The following MBD5 variants were observed in gnomAD, a reference collection of about 807,000 sequenced individuals.
The protein encoded by MBD5 is methyl-CpG-binding domain protein 5.
Under a neutral mutation model 117.3 loss-of-function variants are expected in MBD5, and 13 were observed. That is an observed-to-expected ratio of 0.11 (90% confidence interval 0.07 to 0.18). MBD5 has a LOEUF of 0.18. MBD5 is among the 10% of genes least tolerant of loss of function. The pLI, the probability that MBD5 is intolerant of heterozygous loss-of-function variation, is 1.00. For synonymous variants in MBD5, 727 were observed against 766.4 expected (o/e 0.95, Z 0.85); for missense variants, 1,879 against 2,093.8 (o/e 0.90, Z 2.00).
At chr2:148,438,512 A>G (rs1049132215) in intron 4 of MBD5, among the ~76,000 whole-genome samples, 8 of 152,188 alleles carry the variant, frequency 5.3e-5, no homozygotes, top group Non-Finnish European at 7.3e-5. Context: ...TCTCTTCCAC[A>G]GTGTTGTGAG....
intron 3 of MBD5, among the ~76,000 whole-genome samples, chr2:148,300,459 C>G (rs183079116): frequency 6.6e-6 from 1 of 151,994 alleles, no homozygotes; most frequent in East Asian, 1.9e-4. Flanking sequence ...ATCACTTGTT[C>G]CCTTTGCTTG....
chr2:148,122,415 AGT>A (rs372180189), intron 1 of MBD5, among the ~76,000 whole-genome samples: 209 of 152,312 alleles, frequency 1.4e-3, no homozygotes, highest in Middle Eastern at 3.4e-3. Context: ...GACATATGAG[AGT>A]GTATCTTAAT....
At chr2:148,381,059 G>A (rs1704127452) in intron 4 of MBD5, among the ~76,000 whole-genome samples, 1 of 152,184 alleles carries the variant, frequency 6.6e-6, no homozygotes, top group Non-Finnish European at 1.5e-5. Context: ...AAATCAGAGT[G>A]CCTCTCCTCC....
intron 1 of MBD5, among the ~76,000 whole-genome samples, chr2:148,159,936 T>C (rs1322496603): frequency 1.3e-5 from 2 of 152,138 alleles, no homozygotes; most frequent in Non-Finnish European, 2.9e-5. Flanking sequence ...CTTAACATGG[T>C]GTTTCAGGCA....
rs1702295720 is a variant in MBD5 at position 148,322,047 on chromosome 2, A to G, written c.-679-20167A>G. ...TTATTGATCCACACAATTGTTGTGCATGTACTCTACGCTAGACTCCATAAT... is the reference window on the plus strand; with the variant it reads ...TTATTGATCCACACAATTGTTGTGCGTGTACTCTACGCTAGACTCCATAAT... On this transcript the variant is annotated intron_variant, in intron 3 of 13. Transcript: ENST00000642680. Among the ~76,000 whole-genome samples, 5 of 152,210 alleles carry G rather than the reference A, an allele frequency of 3.3e-5. 1 individual carries two copies. In the South Asian group the frequency reaches 8.3e-4, roughly 25 times the overall value.
chr2:148,469,992 T>C lies in MBD5; in HGVS notation c.2049T>C (p.Pro683=). 1.2e-6 allele frequency: 2 copies of C among 1,613,868 alleles called. No homozygotes were observed. Among genetic ancestry groups the C allele is most frequent in the South Asian group, 2.2e-5 (2 of 91,078 alleles). The change falls in exon 8 of 14, where the codon CCT becomes CCC. Residue 683 remains proline, a synonymous_variant. Transcript: ENST00000642680. ...SQMDSSAVPK[P]GPDLLRKQGQ... ...TGGATAGTTCTGCAGTTCCTAAACC[T>C]GGACCTGACTTGCTAAGGAAGCAGG... is the stretch of plus-strand genomic sequence containing the variant.
At chr2:148,028,007 A>C (rs1247658325) in intron 1 of MBD5, 1 of 152,108 alleles carries the variant, frequency 6.6e-6, no homozygotes, top group Non-Finnish European at 1.5e-5. Flanking sequence ...GTCATGTAAG[A>C]TGTCAGAAGC....
intron 1 of MBD5, among the ~76,000 whole-genome samples, chr2:148,115,348 C>T (rs1393288906): frequency 6.6e-6 from 1 of 152,152 alleles, no homozygotes; most frequent in Non-Finnish European, 1.5e-5. Context: ...GCTTGCATCC[C>T]AGCCTTCGCC....
intron 6 of MBD5, among the ~76,000 whole-genome samples, chr2:148,463,252 T>A (rs1366470645): frequency 7.2e-5 from 11 of 152,178 alleles, no homozygotes; most frequent in Admixed American, 7.2e-4. Context: ...TTCATTTGTG[T>A]GTCACCGCAT....
At chr2:148,462,011 C>T (rs750011490) in intron 5 of MBD5, among the ~76,000 whole-genome samples, 3 of 152,142 alleles carry the variant, frequency 2.0e-5, no homozygotes, top group Non-Finnish European at 4.4e-5. Flanking sequence ...TCGGATATAA[C>T]TGATCTATTA....
chr2:148,319,752 T>A (rs1242791574), intron 3 of MBD5, among the ~76,000 whole-genome samples: 1 of 152,208 alleles, frequency 6.6e-6, no homozygotes. Flanking sequence ...TATTTTTCTA[T>A]GTTTCCTGAT....
In MBD5 at chr2:148,221,395, T is replaced by TC. The variant is rs1159391681; in HGVS notation, c.-830-11848dup. The stretch of plus-strand genomic sequence containing the variant: ...TTTACATTCCTACCAAGACTGGGGT[T>TC]CCGTTTTTTCCACATCCTTGCCAGC... On this transcript the variant is annotated intron_variant, in intron 2 of 13. Coordinates refer to ENST00000642680, the MANE Select transcript of MBD5 (RefSeq NM_001378120.1). 3.3e-5 allele frequency among the ~76,000 whole-genome samples: 5 copies of TC among 152,104 alleles called. No individual in the cohort carries two copies. The East Asian group carries it at 9.6e-4, about 29-fold the overall frequency.
intron 3 of MBD5, among the ~76,000 whole-genome samples, chr2:148,234,337 G>A (rs1465921459): frequency 1.3e-5 from 2 of 152,048 alleles, no homozygotes; most frequent in East Asian, 1.9e-4. Context: ...TGCTTTTTAA[G>A]TTTCACATAA....
At chr2:148,217,695 C>T (rs551541450) in intron 2 of MBD5, among the ~76,000 whole-genome samples, 5 of 152,220 alleles carry the variant, frequency 3.3e-5, no homozygotes, top group South Asian at 2.1e-4. Context: ...ATGACTGGGG[C>T]GTACAGCTGT....
intron 4 of MBD5, among the ~76,000 whole-genome samples, chr2:148,404,319 A>T (rs1245972309): frequency 6.6e-6 from 1 of 152,034 alleles, no homozygotes; most frequent in Admixed American, 6.6e-5. Context: ...TGAGCAGAAC[A>T]CTTCTGAATA....
intron 4 of MBD5, among the ~76,000 whole-genome samples, chr2:148,371,192 A>C (rs920133731): frequency 6.6e-6 from 1 of 152,156 alleles, no homozygotes; most frequent in Non-Finnish European, 1.5e-5. Flanking sequence ...AAATGTACTG[A>C]ATAAAACATG....
intron 1 of MBD5, among the ~76,000 whole-genome samples, chr2:148,151,884 A>G (rs1436256130): frequency 6.6e-6 from 1 of 151,994 alleles, no homozygotes; most frequent in Non-Finnish European, 1.5e-5. Context: ...GATCCTTTCA[A>G]AAAACCAGCT....
intron 3 of MBD5, among the ~76,000 whole-genome samples, chr2:148,253,025 G>T (rs1046766403): frequency 6.6e-6 from 1 of 152,020 alleles, no homozygotes; most frequent in African/African-American, 2.4e-5. Flanking sequence ...TGGAAATCGG[G>T]ACTTAATCTC....
At chr2:148,433,608 C>T (rs1478223392) in intron 4 of MBD5, among the ~76,000 whole-genome samples, 1 of 152,098 alleles carries the variant, frequency 6.6e-6, no homozygotes, top group African/African-American at 2.4e-5. Flanking sequence ...TTGAGATGAT[C>T]ATGTAATTTT....
Sources: allele counts gnomAD v4.1 joint callset (sites outside exome capture counted in the v4.1 genomes callset), GRCh38; gene constraint gnomAD v4.1.1; transcripts MANE v1.5; gene names NCBI Gene and HGNC (gene_info 2026-07-23, HGNC 2026-07-21).